Variants in TBC1D4 observed in about 807,000 individuals in gnomAD.
TBC1D4 encodes the protein TBC (Tre-2, BUB2, CDC16) domain-containing protein.
A neutral mutation model predicts 142.5 loss-of-function variants in TBC1D4; 121 were observed. The observed-to-expected ratio is 0.85, with a 90% CI of 0.73 to 0.99. The LOEUF (loss-of-function observed/expected upper bound fraction) is 0.99, where lower values mean the gene tolerates loss of function less well. TBC1D4 is among the 50% of genes least tolerant of loss of function. The pLI is 0.00. For synonymous variants in TBC1D4, 630 were observed against 628.2 expected, an observed-to-expected ratio of 1.00 and a Z score of -0.04; for missense variants, 1,475 against 1,606.6, an observed-to-expected ratio of 0.92 and a Z score of 1.40.
intron 1 of TBC1D4, among the ~76,000 whole-genome samples, chr13:75,455,434 C>G (rs1566502847): frequency 2.0e-5 from 3 of 151,962 alleles, no homozygotes; most frequent in Admixed American, 2.0e-4. Context: ...AAAAGTCTTA[C>G]AGGACACAAA....
chr13:75,414,533 G>C (rs1885829124), intron 1 of TBC1D4, among the ~76,000 whole-genome samples: 1 of 152,244 alleles, frequency 6.6e-6, no homozygotes, highest in African/African-American at 2.4e-5. Context: ...GTATTATATG[G>C]AGGAAGAATA....
rs529586054 is a variant in TBC1D4 at position 75,433,493 on chromosome 13, C to T, written c.498+47777G>A. ...TGTTAAGAAATGAAAATACAAGATG[C>T]TTTTCCCTATTATAGACAGATAGGG... On this transcript the variant is annotated intron_variant, in intron 1 of 20. Transcript: ENST00000377636. Among the ~76,000 whole-genome samples, 4 of 152,242 alleles carry T rather than the reference C, an allele frequency of 2.6e-5. No homozygotes were observed. The South Asian group carries it at 8.3e-4, about 32-fold the overall frequency.
At chr13:75,360,014 A>T (rs921923657) in intron 2 of TBC1D4, among the ~76,000 whole-genome samples, 156 bp from the exon 3 acceptor site, 3 of 152,240 alleles carry the variant, frequency 2.0e-5, no homozygotes, top group African/African-American at 4.8e-5. Flanking sequence ...CAATATTTTT[A>T]ACCCCAAATA....
At chr13:75,410,021 A>T (rs1159667478) in intron 1 of TBC1D4, among the ~76,000 whole-genome samples, 1 of 152,296 alleles carries the variant, frequency 6.6e-6, no homozygotes, top group Admixed American at 6.5e-5. Context: ...ATCTTAACCA[A>T]ATTTGCCACT....
intron 4 of TBC1D4, among the ~76,000 whole-genome samples, chr13:75,354,304 C>T (rs1881857584): frequency 6.6e-6 from 1 of 152,126 alleles, no homozygotes; most frequent in African/African-American, 2.4e-5. Context: ...AGAAATAAAA[C>T]TCTAACATAA....
chr13:75,343,261 A>C (rs1593760749), intron 5 of TBC1D4, among the ~76,000 whole-genome samples: 1 of 152,220 alleles, frequency 6.6e-6, no homozygotes, highest in Non-Finnish European at 1.5e-5. Flanking sequence ...CATTGTTTTA[A>C]AAGATCTAGA....
intron 1 of TBC1D4, among the ~76,000 whole-genome samples, chr13:75,428,133 AG>A (rs1886453581): frequency 6.6e-6 from 1 of 152,134 alleles, no homozygotes; most frequent in African/African-American, 2.4e-5. Flanking sequence ...GCCTTCATTA[AG>A]GGGGTGCTTC....
At chr13:75,339,215 A>T (rs1326076748) in intron 7 of TBC1D4, among the ~76,000 whole-genome samples, 1 of 152,204 alleles carries the variant, frequency 6.6e-6, no homozygotes, top group African/African-American at 2.4e-5. Flanking sequence ...TCTGTACTCG[A>T]TAAAGATTTG....
intron 14 of TBC1D4, among the ~76,000 whole-genome samples, chr13:75,308,128 T>G (rs1877365661): frequency 6.6e-6 from 1 of 152,234 alleles, no homozygotes; most frequent in South Asian, 2.1e-4. Context: ...ACTAAAGAAC[T>G]ATCAAGAAAT....
At chr13:75,399,461 G>T (rs913317695) in intron 1 of TBC1D4, among the ~76,000 whole-genome samples, 30 of 152,030 alleles carry the variant, frequency 2.0e-4, no homozygotes, top group African/African-American at 7.0e-4. Flanking sequence ...TATATGGGGG[G>T]CTGGGGGACA....
intron 15 of TBC1D4, among the ~76,000 whole-genome samples, chr13:75,303,188 G>A (rs1425259534): frequency 1.3e-5 from 2 of 151,986 alleles, no homozygotes; most frequent in Non-Finnish European, 2.9e-5. Flanking sequence ...ATGGTGGCAT[G>A]CACCTGTAAT....
At chr13:75,371,189 C>G (rs1017098643) in intron 1 of TBC1D4, among the ~76,000 whole-genome samples, 1 of 152,080 alleles carries the variant, frequency 6.6e-6, no homozygotes, top group African/African-American at 2.4e-5. Context: ...GAACGAAATT[C>G]AAAGCAATAG....
intron 1 of TBC1D4, among the ~76,000 whole-genome samples, chr13:75,402,654 A>AACACACACACACACACAC (rs56176942): frequency 2.8e-5 from 4 of 142,364 alleles, no homozygotes; most frequent in Non-Finnish European, 6.1e-5. Flanking sequence ...ATCCCTAGTA[A>AACACACACACACACACAC]ACACACACAC....
At chr13:75,481,195 T>TGCCCCCCCCCCCCCC in intron 1 of TBC1D4, 75 bp downstream of exon 1, 13 of 1,292,704 alleles carry the variant, frequency 1.0e-5, no homozygotes, top group Non-Finnish European at 9.5e-6. Flanking sequence ...TAAAGTGGGG[T>TGCCCCCCCCCCCCCC]CCCCGCCCCT....
chr13:75,460,692 G>A (rs78179156), intron 1 of TBC1D4, among the ~76,000 whole-genome samples: 16,384 of 152,094 alleles, frequency 0.11, 1,011 homozygotes, highest in Middle Eastern at 0.15. Flanking sequence ...AGGCCAAGGC[G>A]GAAGGATCGC....
intron 18 of TBC1D4, 50 bp from the exon 19 acceptor site, chr13:75,292,321 G>T: frequency 6.7e-7 from 1 of 1,484,858 alleles, no homozygotes; most frequent in Non-Finnish European, 9.3e-7. Flanking sequence ...ATCCACTCTT[G>T]TAAAAAGCAC....
At position 75,472,555 on chromosome 13, in the gene TBC1D4, A is replaced by C. The variant is rs554995501; in HGVS notation, c.498+8715T>G. Among the ~76,000 whole-genome samples the C allele has an allele frequency of 3.9e-5, 6 of 152,332 alleles. No individual in the cohort carries two copies. The East Asian group carries it at 1.2e-3, about 29-fold the overall frequency. ...GCCAAAATAAAATCTGTACAAAATA[A>C]AATCTGTCTGCAAATAAAATCTGTT... is the stretch of plus-strand genomic sequence containing the variant. On this transcript the variant is annotated intron_variant, in intron 1 of 20. Coordinates refer to ENST00000377636, the MANE Select transcript of TBC1D4 (RefSeq NM_014832.5).
chr13:75,348,323 G>T (rs188295334), intron 5 of TBC1D4, among the ~76,000 whole-genome samples: 2 of 152,146 alleles, frequency 1.3e-5, no homozygotes, highest in Admixed American at 1.3e-4. Context: ...TTAATAATTT[G>T]CACTCTTCCC....
chr13:75,315,369 T>TATATATAC (rs1555302423), intron 12 of TBC1D4, among the ~76,000 whole-genome samples: 1 of 137,822 alleles, frequency 7.3e-6, no homozygotes, highest in African/African-American at 2.7e-5. Flanking sequence ...TATATATATA[T>TATATATAC]ACACACACAC....
Sources: allele counts gnomAD v4.1 joint callset (sites outside exome capture counted in the v4.1 genomes callset), GRCh38; gene constraint gnomAD v4.1.1; transcripts MANE v1.5; gene names NCBI Gene and HGNC (gene_info 2026-07-23, HGNC 2026-07-21).